The following RIN2 variants were observed in gnomAD, a reference collection of about 807,000 sequenced individuals.
RIN2 encodes RAB5 interacting protein 2.
Under a neutral mutation model 78.0 loss-of-function variants are expected in RIN2, and 36 were observed. The observed-to-expected ratio is 0.46, with a 90% confidence interval of 0.35 to 0.61. The LOEUF (loss-of-function observed/expected upper bound fraction) is 0.61, where lower values mean the gene tolerates loss of function less well. Ranked by LOEUF, RIN2 falls within the 20% of genes least tolerant of loss-of-function variation. The pLI, the probability that RIN2 is intolerant of heterozygous loss-of-function variation, is 0.00. For synonymous variants in RIN2, 466 were observed against 466.8 expected (o/e 1.00, Z 0.02); for missense variants, 1,087 against 1,159.7 (o/e 0.94, Z 0.91).
At chr20:19,950,406 A>T (rs748838800) in intron 4 of RIN2, among the ~76,000 whole-genome samples, 15 of 152,210 alleles carry the variant, frequency 9.9e-5, no homozygotes, top group Non-Finnish European at 2.2e-4. Flanking sequence ...GAGATGGTAG[A>T]TATTATTACT....
chr20:19,888,867 C>T (rs548349787), intron 2 of RIN2, among the ~76,000 whole-genome samples: 35 of 152,322 alleles, frequency 2.3e-4, no homozygotes, highest in African/African-American at 8.2e-4. Flanking sequence ...GATGCCCTAG[C>T]AGGGGAAATT....
At chr20:19,877,468 G>A (rs1166931753) in intron 2 of RIN2, among the ~76,000 whole-genome samples, 10 of 152,164 alleles carry the variant, frequency 6.6e-5, no homozygotes. Flanking sequence ...CATAGTGCAG[G>A]GTTATAGTGT....
At chr20:19,823,961 T>C (rs2122927726) in intron 2 of RIN2, 1 of 1,444,666 alleles carries the variant, frequency 6.9e-7, no homozygotes, top group Non-Finnish European at 9.6e-7. Flanking sequence ...GCAGCTGGTG[T>C]CGGATGAACC....
At chr20:19,768,209 G>T in intron 1 of RIN2, among the ~76,000 whole-genome samples, 1 of 152,222 alleles carries the variant, frequency 6.6e-6, no homozygotes, top group East Asian at 1.9e-4. Flanking sequence ...ATGAGGGAAG[G>T]TCTCAGACCA....
At chr20:19,787,653 T>C (rs1048479817) in intron 1 of RIN2, among the ~76,000 whole-genome samples, 1 of 152,050 alleles carries the variant, frequency 6.6e-6, no homozygotes, top group Non-Finnish European at 1.5e-5. Context: ...ATGGCAAGGA[T>C]TGGATGAAAT....
chr20:19,901,403 A>G (rs1192746886), intron 3 of RIN2, among the ~76,000 whole-genome samples: 3 of 151,340 alleles, frequency 2.0e-5, no homozygotes, highest in Non-Finnish European at 4.4e-5. Flanking sequence ...AGCCGAACAG[A>G]ACCCTGCAAC....
intron 1 of RIN2, among the ~76,000 whole-genome samples, chr20:19,762,743 T>A (rs1295810293): frequency 6.6e-6 from 1 of 150,642 alleles, no homozygotes; most frequent in Admixed American, 6.6e-5. Flanking sequence ...GAAGAAACAC[T>A]GAATGTGATT....
chr20:19,914,360 C>A (rs369442491), intron 3 of RIN2, among the ~76,000 whole-genome samples: 7 of 152,252 alleles, frequency 4.6e-5, no homozygotes, highest in African/African-American at 1.7e-4. Context: ...GACAATGACT[C>A]ACACCAAATT....
intron 2 of RIN2, among the ~76,000 whole-genome samples, chr20:19,815,555 T>C (rs991448165): frequency 1.3e-5 from 2 of 152,224 alleles, no homozygotes; most frequent in African/African-American, 4.8e-5. Context: ...TTTTTCTTCT[T>C]TGGACTTTTC....
chr20:19,957,483 C>T (rs1480499182), intron 5 of RIN2, among the ~76,000 whole-genome samples: 4 of 152,170 alleles, frequency 2.6e-5, no homozygotes, highest in African/African-American at 7.2e-5. Flanking sequence ...TCTAGACCAG[C>T]CTGGGCAACA....
chr20:19,922,257 C>T (rs2039955672), intron 3 of RIN2, among the ~76,000 whole-genome samples: 2 of 152,148 alleles, frequency 1.3e-5, no homozygotes, highest in Non-Finnish European at 2.9e-5. Flanking sequence ...TACACCCCAA[C>T]ACCCAGCTTC....
intron 3 of RIN2, among the ~76,000 whole-genome samples, chr20:19,931,675 C>G (rs2040443187): frequency 6.7e-6 from 1 of 148,294 alleles, no homozygotes; most frequent in Non-Finnish European, 1.5e-5. Context: ...TGGTTTTAAA[C>G]TTCACATGCT....
At chr20:19,977,803 A>G (rs1279510272) in intron 9 of RIN2, among the ~76,000 whole-genome samples, 6 of 152,242 alleles carry the variant, frequency 3.9e-5, no homozygotes, top group Non-Finnish European at 7.4e-5. Flanking sequence ...CTGTTGAGTT[A>G]TGGATATGGC....
chr20:19,971,735 A>ATT (rs61019165), intron 8 of RIN2, among the ~76,000 whole-genome samples: 1,330 of 91,368 alleles, frequency 0.015, 107 homozygotes, highest in African/African-American at 0.045. Context: ...TGAAACTGCA[A>ATT]TTTTTTTTTT....
chr20:19,810,714 C>T (rs576938157), intron 2 of RIN2, among the ~76,000 whole-genome samples: 182 of 91,372 alleles, frequency 2.0e-3, no homozygotes, highest in African/African-American at 7.1e-3. Context: ...TTTTTTGAGA[C>T]GGAGTCTTGT....
At chr20:19,764,541 G>A (rs572225002) in intron 1 of RIN2, among the ~76,000 whole-genome samples, 1 of 152,312 alleles carries the variant, frequency 6.6e-6, no homozygotes, top group South Asian at 2.1e-4. Flanking sequence ...TTGCTTAAGT[G>A]CTAAATGTTT....
At chr20:19,934,995 G>C (rs568885470) in intron 3 of RIN2, 104 bp from the exon 4 acceptor site, 1 of 632,180 alleles carries the variant, frequency 1.6e-6, no homozygotes, top group South Asian at 2.4e-5. Context: ...AATAGAAAAA[G>C]ATGGTCATCT....
chr20:19,791,276 T>TAAGAA (rs11473944), intron 1 of RIN2, among the ~76,000 whole-genome samples: 62,095 of 151,788 alleles, frequency 0.41, 15,974 homozygotes, highest in African/African-American at 0.74. Context: ...TTTCTAAAGA[T>TAAGAA]AAGTTTTCCA....
chr20:19,803,681 T>C (rs1175368401), intron 2 of RIN2, among the ~76,000 whole-genome samples: 1 of 152,256 alleles, frequency 6.6e-6, no homozygotes, highest in Non-Finnish European at 1.5e-5. Context: ...CTGTACAGAC[T>C]CTTTTTTGGT....
Sources: gnomAD v4.1 joint callset for allele counts (sites outside exome capture counted in the v4.1 genomes callset) on GRCh38, gnomAD v4.1.1 for gene constraint, MANE v1.5 for transcripts, NCBI Gene and HGNC (gene_info 2026-07-23, HGNC 2026-07-21) for gene names.